COL23A1: variants seen among roughly 807,000 people sequenced by gnomAD.
COL23A1 encodes the protein collagen alpha-1(XXIII) chain.
COL23A1 carries 97 observed loss-of-function variants against 99.3 expected under a neutral mutation model. The observed-to-expected ratio is 0.98, with a 90% CI of 0.83 to 1.16. The LOEUF (loss-of-function observed/expected upper bound fraction) is 1.16. COL23A1 is among the 50% of genes most tolerant of loss of function. The probability of loss-of-function intolerance (pLI) is 0.00; values close to 1 mark genes in which losing one functional copy is unlikely to be tolerated. For missense variants in COL23A1, 762 were observed against 757.4 expected, an observed-to-expected ratio of 1.01 and a Z score of -0.07; for synonymous variants, 320 against 308.2, an observed-to-expected ratio of 1.04 and a Z score of -0.40.
chr5:178,263,178 TGCGTGGCCCA>T lies in COL23A1; in HGVS notation c.639+20_639+29del. On this transcript the variant is annotated intron_variant, in intron 9 of 28. Coordinates refer to ENST00000390654, the MANE Select transcript of COL23A1 (RefSeq NM_173465.4). ...AGGATTTGGGGTTTTGGTCAAGTCC[TGCGTGGCCCA>T]ACTCCATGCCCTCTCTTACCGCTGG... 6.6e-7 allele frequency: 1 copy of T among 1,521,654 alleles called. No homozygotes were observed. Among genetic ancestry groups the T allele is most frequent in the Non-Finnish European group, 9.1e-7 (1 of 1,095,712 alleles). 94.3% of individuals were successfully genotyped at this position (1,521,654 alleles called of 1,614,324 possible).
In COL23A1 at chr5:178,245,978, G is replaced by C; in HGVS notation, c.1414-10C>G. ...GCTCCCCGGGTCTGCCCTGAGGAGAGACACAGAGTGGGTGAGAGGGGTTGG... is the reference window on the plus strand; with the variant it reads ...GCTCCCCGGGTCTGCCCTGAGGAGACACACAGAGTGGGTGAGAGGGGTTGG... On this transcript the variant is annotated splice_polypyrimidine_tract_variant and intron_variant, in intron 24 of 28. Transcript: ENST00000390654. 1 of 1,614,034 alleles carries C rather than the reference G, an allele frequency of 6.2e-7. No individual in the cohort carries two copies. Among genetic ancestry groups the C allele is most frequent in the Non-Finnish European group, 8.5e-7 (1 of 1,179,984 alleles).
In COL23A1 at chr5:178,475,787, T is replaced by C. The variant is rs527366790; in HGVS notation, c.361+84895A>G. Among the ~76,000 whole-genome samples, 58 of 152,338 alleles carry C rather than the reference T, an allele frequency of 3.8e-4. 1 individual carries two copies. In the South Asian group the frequency reaches 0.011, roughly 28 times the overall value. Reference sequence around the variant, plus strand: ...GTGGCTGTTGGTAGAATTCAGTTCCTTGCAGTTGTTGGACATATGCCCCCT... The same window carrying C: ...GTGGCTGTTGGTAGAATTCAGTTCCCTGCAGTTGTTGGACATATGCCCCCT... On this transcript the variant is annotated intron_variant, in intron 2 of 28. Coordinates refer to ENST00000390654, the MANE Select transcript of COL23A1 (RefSeq NM_173465.4).
chr5:178,405,487 T>C (rs1764714385), intron 2 of COL23A1, among the ~76,000 whole-genome samples: 2 of 152,168 alleles, frequency 1.3e-5, no homozygotes, highest in South Asian at 4.1e-4. Flanking sequence ...TATTACACTG[T>C]GATAAGAGGG....
Position 178,313,680 on chromosome 5 carries a change from T to G in COL23A1, c.362-6761A>C, listed in dbSNP as rs1758826165. On this transcript the variant is annotated intron_variant, in intron 2 of 28. Coordinates refer to ENST00000390654, the MANE Select transcript of COL23A1 (RefSeq NM_173465.4). The surrounding 1 kb of genome is among the most constrained non-coding windows in gnomAD (Gnocchi z 4.2). ...ATCCCACCACGTGTCGAGTGTCCCTTCAGACCTGGTCCTTCTCAACACCAC... is the reference window on the plus strand; with the variant it reads ...ATCCCACCACGTGTCGAGTGTCCCTGCAGACCTGGTCCTTCTCAACACCAC... Among the ~76,000 whole-genome samples the G allele has an allele frequency of 6.6e-6, 1 of 152,192 alleles. No homozygotes were observed. Among genetic ancestry groups the G allele is most frequent in the Non-Finnish European group, 1.5e-5 (1 of 68,028 alleles).
chr5:178,495,796 T>C (rs1056077290), intron 2 of COL23A1, among the ~76,000 whole-genome samples: 6 of 152,128 alleles, frequency 3.9e-5, no homozygotes, highest in African/African-American at 1.4e-4. Flanking sequence ...CCCCATAGCA[T>C]TGACAATGGT....
chr5:178,355,517 T>TGGC, intron 2 of COL23A1, among the ~76,000 whole-genome samples: 1 of 152,078 alleles, frequency 6.6e-6, no homozygotes, highest in Admixed American at 6.5e-5. Context: ...GCTGAGTAAT[T>TGGC]TATAAAGAAA....
intron 2 of COL23A1, among the ~76,000 whole-genome samples, chr5:178,442,500 T>A (rs969944170): frequency 1.3e-5 from 2 of 152,188 alleles, no homozygotes. Flanking sequence ...TCTAACATGA[T>A]AGGCCCGAGC....
At chr5:178,355,685 G>A (rs563476332) in intron 2 of COL23A1, among the ~76,000 whole-genome samples, 19 of 152,128 alleles carry the variant, frequency 1.2e-4, no homozygotes, top group South Asian at 8.3e-4. Context: ...GGCTCACGCC[G>A]CCAAGGATGT....
intron 3 of COL23A1, among the ~76,000 whole-genome samples, chr5:178,302,585 A>G (rs1758134387): frequency 6.6e-6 from 1 of 152,228 alleles, no homozygotes; most frequent in African/African-American, 2.4e-5. Flanking sequence ...GAGGTGAGAG[A>G]CTGGGGCTCC....
chr5:178,300,481 A>G (rs1332681168), intron 3 of COL23A1, among the ~76,000 whole-genome samples: 1 of 152,118 alleles, frequency 6.6e-6, no homozygotes, highest in Non-Finnish European at 1.5e-5. Flanking sequence ...GTTTCTGATG[A>G]GAAACCAGTT....
intron 2 of COL23A1, among the ~76,000 whole-genome samples, chr5:178,396,956 G>C (rs1259779659): frequency 1.3e-5 from 2 of 152,218 alleles, no homozygotes; most frequent in African/African-American, 2.4e-5. Flanking sequence ...GTGAACAAAC[G>C]TCAAAGATCT....
At chr5:178,375,548 C>T (rs1374875868) in intron 2 of COL23A1, among the ~76,000 whole-genome samples, 1 of 152,230 alleles carries the variant, frequency 6.6e-6, no homozygotes, top group East Asian at 1.9e-4. Context: ...TGCGTGGTCC[C>T]GCCCTGCCCC....
At chr5:178,411,933 A>T (rs979379400) in intron 2 of COL23A1, among the ~76,000 whole-genome samples, 1 of 152,252 alleles carries the variant, frequency 6.6e-6, no homozygotes, top group Non-Finnish European at 1.5e-5. Flanking sequence ...GTGTAATGTT[A>T]CTGAGAGAAT....
In COL23A1 at chr5:178,406,452, C is replaced by T. The variant is rs192775513; in HGVS notation, c.362-99533G>A. 5.9e-3 allele frequency among the ~76,000 whole-genome samples: 837 copies of T among 141,194 alleles called. 4 individuals carry two copies. The highest frequency in any genetic ancestry group is 7.2e-3 in the Non-Finnish European group (471 of 65,150). The allele number at this position is 141,194 out of a possible 152,430, so 92.6% of individuals were successfully genotyped here. A position where few individuals can be genotyped will look rare whatever the true frequency, so the allele number is the denominator to read the frequency against. ...TCTTTTTTTTTTTTTTTTCTTGAGA[C>T]GGAGTCTCGCTCTGTCATCCAGGCT... On this transcript the variant is annotated intron_variant, in intron 2 of 28. Transcript: ENST00000390654.
At position 178,429,114 on chromosome 5, in the gene COL23A1, C is replaced by A. The variant is rs147097413; in HGVS notation, c.362-122195G>T. On this transcript the variant is annotated intron_variant, in intron 2 of 28. Transcript: ENST00000390654. ...TAGGTATGTTGGGCCCCATGCCAGG[C>A]ACCAGGGCATTTCAGCGCCTTTACA... Among the ~76,000 whole-genome samples the A allele has an allele frequency of 1.8e-4, 27 of 152,326 alleles. No individual in the cohort carries two copies. The East Asian group carries it at 5.0e-3, about 28-fold the overall frequency.
intron 2 of COL23A1, among the ~76,000 whole-genome samples, chr5:178,388,319 T>C (rs1036261651): frequency 6.6e-6 from 1 of 152,148 alleles, no homozygotes; most frequent in Non-Finnish European, 1.5e-5. Context: ...GGCATGGGGA[T>C]GAGTTGGATT....
At chr5:178,248,793 C>T (rs747465999) in intron 19 of COL23A1, among the ~76,000 whole-genome samples, 10 of 152,170 alleles carry the variant, frequency 6.6e-5, no homozygotes, top group East Asian at 1.9e-4. Context: ...CAGAGTCAGC[C>T]GGGACGGAGC....
At chr5:178,507,787 T>C (rs765510214) in intron 2 of COL23A1, among the ~76,000 whole-genome samples, 19 of 152,238 alleles carry the variant, frequency 1.2e-4, no homozygotes, top group Non-Finnish European at 2.2e-4. Flanking sequence ...GAAAGTGGAT[T>C]TGTGTTGATG....
chr5:178,427,618 T>C (rs1411913862), intron 2 of COL23A1, among the ~76,000 whole-genome samples: 1 of 152,230 alleles, frequency 6.6e-6, no homozygotes, highest in Non-Finnish European at 1.5e-5. Flanking sequence ...AATATTCTAT[T>C]ATTCAATGCT....
Sources: allele counts gnomAD v4.1 joint callset (sites outside exome capture counted in the v4.1 genomes callset), GRCh38; gene constraint gnomAD v4.1.1; non-coding constraint Gnocchi (gnomAD v3.1); transcripts MANE v1.5; gene names NCBI Gene and HGNC (gene_info 2026-07-23, HGNC 2026-07-21).